C1QTNF3: variants seen among roughly 807,000 people sequenced by gnomAD.
C1QTNF3 encodes the protein complement C1q tumor necrosis factor-related protein 3.
A neutral mutation model predicts 32.6 loss-of-function variants in C1QTNF3; 26 were observed. The observed-to-expected ratio is 0.80, with a 90% CI of 0.58 to 1.11. C1QTNF3 has a LOEUF of 1.11. Among genes scored for constraint, C1QTNF3 ranks in the 50% least tolerant of loss-of-function variants. The probability of loss-of-function intolerance (pLI) is 0.00; values close to 1 mark genes in which losing one functional copy is unlikely to be tolerated. For synonymous variants in C1QTNF3, 155 were observed against 146.0 expected (o/e 1.06, Z -0.44); for missense variants, 362 against 398.2 (o/e 0.91, Z 0.77).
At chr5:34,176,912 G>T in the C1QTNF3 span, among the ~76,000 whole-genome samples, 1 of 149,624 alleles carries the variant, frequency 6.7e-6, no homozygotes, top group Non-Finnish European at 1.5e-5. Flanking sequence ...ACTAAACCAG[G>T]CTGGGCATGG....
chr5:34,165,883 A>C, the C1QTNF3 span: 2 of 147,362 alleles, frequency 1.4e-5, no homozygotes, highest in Admixed American at 6.9e-5. Context: ...CAAGCATATG[A>C]ATACAACAGT....
the C1QTNF3 span, among the ~76,000 whole-genome samples, chr5:34,241,951 G>GGAA: frequency 1.1e-5 from 1 of 90,082 alleles, no homozygotes; most frequent in Non-Finnish European, 2.6e-5. Context: ...AAGGGAGGGA[G>GGAA]GGAAGGAAGG....
Position 34,024,843 on chromosome 5 carries a change from G to C in C1QTNF3, c.701-835C>G, listed in dbSNP as rs1160676769. 5.3e-5 allele frequency among the ~76,000 whole-genome samples: 8 copies of C among 152,290 alleles called. No individual in the cohort carries two copies. In the South Asian group the frequency reaches 1.7e-3, roughly 32 times the overall value. On this transcript the variant is annotated intron_variant, in intron 4 of 5. Transcript: ENST00000382065. ...ATTTTTCAAACTCTAAATGATATGG[G>C]ATTTTGGTGTGCATTTTGGAAAGGT...
chr5:34,169,405 A>G, the C1QTNF3 span, among the ~76,000 whole-genome samples: 3 of 152,088 alleles, frequency 2.0e-5, no homozygotes, highest in East Asian at 5.8e-4. Context: ...GGCCATTTGT[A>G]TATCTTCTTT....
chr5:34,132,704 T>C, the C1QTNF3 span, among the ~76,000 whole-genome samples: 1 of 152,124 alleles, frequency 6.6e-6, no homozygotes, highest in African/African-American at 2.4e-5. Context: ...AGGTATATGA[T>C]AAATTTTGAG....
At chr5:34,087,528 T>C in the C1QTNF3 span, among the ~76,000 whole-genome samples, 18 of 150,706 alleles carry the variant, frequency 1.2e-4, no homozygotes, top group Non-Finnish European at 2.7e-4. Context: ...CTGAGAAGTA[T>C]AAGCAAGCAA....
the C1QTNF3 span, among the ~76,000 whole-genome samples, chr5:34,212,749 G>GA: frequency 6.7e-6 from 1 of 149,724 alleles, no homozygotes; most frequent in East Asian, 2.0e-4. Context: ...AAAAAGTCAG[G>GA]AAACAACAGG....
chr5:34,129,514 T>TATG, the C1QTNF3 span, among the ~76,000 whole-genome samples: 4 of 152,158 alleles, frequency 2.6e-5, no homozygotes, highest in South Asian at 8.3e-4. Context: ...AGGCGATGGG[T>TATG]ATGAACTTGA....
At chr5:34,040,461 A>T (rs905647643) in intron 1 of C1QTNF3, among the ~76,000 whole-genome samples, 2 of 152,010 alleles carry the variant, frequency 1.3e-5, no homozygotes, top group Non-Finnish European at 2.9e-5. Context: ...TATCCGGGAG[A>T]AGGAGGGGAG....
chr5:34,235,041 T>C, the C1QTNF3 span, among the ~76,000 whole-genome samples: 1 of 152,144 alleles, frequency 6.6e-6, no homozygotes, highest in Non-Finnish European at 1.5e-5. Flanking sequence ...ATTTCCTTCT[T>C]TTTTCTCCTC....
At chr5:34,224,900 T>C in the C1QTNF3 span, among the ~76,000 whole-genome samples, 3 of 152,000 alleles carry the variant, frequency 2.0e-5, no homozygotes, top group Non-Finnish European at 4.4e-5. Flanking sequence ...CGCAATCTAC[T>C]CATCTGACAA....
the C1QTNF3 span, among the ~76,000 whole-genome samples, chr5:34,113,594 T>C: frequency 6.6e-6 from 1 of 152,268 alleles, no homozygotes; most frequent in South Asian, 2.1e-4. Flanking sequence ...TTATTATTAA[T>C]ACATTGAAAA....
chr5:34,048,550 G>A, the C1QTNF3 span, among the ~76,000 whole-genome samples: 1 of 152,082 alleles, frequency 6.6e-6, no homozygotes, highest in African/African-American at 2.4e-5. Context: ...TCTGTGTAGG[G>A]GGCACTGCCC....
chr5:34,122,335 C>T, the C1QTNF3 span, among the ~76,000 whole-genome samples: 1 of 152,042 alleles, frequency 6.6e-6, no homozygotes, highest in East Asian at 1.9e-4. Context: ...ATAATGCTGG[C>T]AGAAATAAGC....
upstream of C1QTNF3, among the ~76,000 whole-genome samples, chr5:34,044,896 G>A (rs1754961561): frequency 1.3e-5 from 2 of 152,218 alleles, no homozygotes; most frequent in African/African-American, 4.8e-5. Flanking sequence ...GGGAAGGGAA[G>A]TGTGTCAAAC....
upstream of C1QTNF3, among the ~76,000 whole-genome samples, chr5:34,044,527 T>C (rs944544787): frequency 6.6e-6 from 1 of 152,062 alleles, no homozygotes; most frequent in African/African-American, 2.4e-5. Flanking sequence ...GCTGCCCCCA[T>C]TGCTCAGCCA....
the C1QTNF3 span, among the ~76,000 whole-genome samples, chr5:34,241,653 A>C: frequency 6.6e-6 from 1 of 151,904 alleles, no homozygotes; most frequent in African/African-American, 2.4e-5. Flanking sequence ...GCAGTGGTTC[A>C]TGCCTTTGGG....
chr5:34,096,825 C>A, the C1QTNF3 span, among the ~76,000 whole-genome samples: 1 of 151,532 alleles, frequency 6.6e-6, no homozygotes, highest in East Asian at 1.9e-4. Context: ...AGTTTATGAA[C>A]AAATACCACT....
At chr5:34,084,185 A>C in the C1QTNF3 span, among the ~76,000 whole-genome samples, 1 of 151,776 alleles carries the variant, frequency 6.6e-6, no homozygotes, top group East Asian at 1.9e-4. Flanking sequence ...TTAGGGACTG[A>C]AAACAGTGTC....
Sources: allele counts gnomAD v4.1 joint callset (sites outside exome capture counted in the v4.1 genomes callset), GRCh38; gene constraint gnomAD v4.1.1; transcripts MANE v1.5; gene names NCBI Gene and HGNC (gene_info 2026-07-23, HGNC 2026-07-21).